The following FRMD6 variants were observed in gnomAD, a reference collection of about 807,000 sequenced individuals.
FRMD6 encodes the protein FERM domain containing 6, also known as FERM domain-containing protein 6.
In FRMD6, 37 loss-of-function variants were observed where a neutral mutation model predicts 73.2. The ratio of observed to expected loss-of-function variants is 0.51; its 90% CI spans 0.39 to 0.66. The LOEUF is 0.66. FRMD6 is among the 30% of genes least tolerant of loss of function. The probability of loss-of-function intolerance (pLI) is 0.00; values close to 1 mark genes in which losing one functional copy is unlikely to be tolerated. For missense variants in FRMD6, 714 were observed against 780.5 expected (o/e 0.91, Z 1.02); for synonymous variants, 273 against 282.2 (o/e 0.97, Z 0.33).
At chr14:51,687,175 C>T (rs572335253) in intron 1 of FRMD6, among the ~76,000 whole-genome samples, 15 of 152,208 alleles carry the variant, frequency 9.9e-5, no homozygotes, top group South Asian at 2.1e-4. Flanking sequence ...GGAAACATCC[C>T]ACAGCTCAGA....
intron 1 of FRMD6, among the ~76,000 whole-genome samples, chr14:51,536,951 A>C (rs1045508848): frequency 6.6e-6 from 1 of 152,124 alleles, no homozygotes; most frequent in African/African-American, 2.4e-5. Flanking sequence ...CCTGCCCCCC[A>C]CACACAGTCT....
intron 1 of FRMD6, among the ~76,000 whole-genome samples, chr14:51,676,575 A>T (rs1181681066): frequency 6.6e-6 from 1 of 152,172 alleles, no homozygotes; most frequent in Non-Finnish European, 1.5e-5. Context: ...GTCCTGCCTT[A>T]TGTATCTTTT....
chr14:51,547,565 G>A (rs1886545237), intron 1 of FRMD6: 1 of 152,154 alleles, frequency 6.6e-6, no homozygotes, highest in Non-Finnish European at 1.5e-5. Context: ...GCATCTCCTG[G>A]TCTGGTGATG....
At chr14:51,485,133 G>A (rs1882738312), upstream of FRMD6, among the ~76,000 whole-genome samples, 2 of 152,176 alleles carry the variant, frequency 1.3e-5, no homozygotes, top group South Asian at 2.1e-4. Context: ...TGGCTTTTAA[G>A]GCGTCTAAGA....
chr14:51,711,031 A>C (rs1293463767), intron 7 of FRMD6, among the ~76,000 whole-genome samples: 2 of 152,198 alleles, frequency 1.3e-5, no homozygotes, highest in Non-Finnish European at 1.5e-5. Flanking sequence ...ATATTTGGTC[A>C]CTTGCCCCTA....
In FRMD6 at chr14:51,729,601, T is replaced by A. The variant is rs1323000554; in HGVS notation, c.*1572T>A. The A allele has an allele frequency of 6.6e-6, 1 of 152,614 alleles. No homozygotes were observed. The highest frequency in any genetic ancestry group is 1.9e-4 in the East Asian group (1 of 5,156). The allele number at this position is 152,614 out of a possible 1,614,324, so 9.5% of individuals were successfully genotyped here. A position where few individuals can be genotyped will look rare whatever the true frequency, so the allele number is the denominator to read the frequency against. On this transcript the variant is annotated 3_prime_UTR_variant, in exon 14 of 14. Transcript: ENST00000344768. The stretch of plus-strand genomic sequence containing the variant: ...ATCTGCCCAGTTTTATTAAAAAAAC[T>A]ATATATTATTTTCTAAAGAAACAAT...
At chr14:51,695,374 G>A (rs7140410) in intron 2 of FRMD6, among the ~76,000 whole-genome samples, 106,089 of 152,008 alleles carry the variant, frequency 0.7, 37,209 homozygotes, top group Non-Finnish European at 0.71. Flanking sequence ...TTTAAAGTGA[G>A]TGTTGGAAAT....
At chr14:51,415,346 T>C in the FRMD6 span, among the ~76,000 whole-genome samples, 1 of 152,238 alleles carries the variant, frequency 6.6e-6, no homozygotes, top group Non-Finnish European at 1.5e-5. Context: ...GCCTATTTTA[T>C]TGAGAATTTT....
intron 2 of FRMD6, among the ~76,000 whole-genome samples, chr14:51,578,112 T>G (rs1009160503): frequency 2.2e-4 from 34 of 152,276 alleles, no homozygotes; most frequent in African/African-American, 7.0e-4. Flanking sequence ...GGAAGGAAAT[T>G]CCTGGAACTT....
At chr14:51,515,462 C>T (rs1335437492) in intron 1 of FRMD6, among the ~76,000 whole-genome samples, 3 of 152,156 alleles carry the variant, frequency 2.0e-5, no homozygotes, top group African/African-American at 4.8e-5. Context: ...TATTAGGCCC[C>T]CACTTCTAGT....
chr14:51,506,039 T>C (rs572551895), intron 1 of FRMD6, among the ~76,000 whole-genome samples: 1 of 152,232 alleles, frequency 6.6e-6, no homozygotes, highest in South Asian at 2.1e-4. Context: ...GAATAAAGTC[T>C]AAACTCTGTA....
At chr14:51,436,189 G>A in the FRMD6 span, 31 of 293,394 alleles carry the variant, frequency 1.1e-4, no homozygotes, top group Admixed American at 6.9e-4. Context: ...GATAAAGTAC[G>A]AAATGAAATA....
At chr14:51,434,969 A>G in the FRMD6 span, among the ~76,000 whole-genome samples, 1 of 152,184 alleles carries the variant, frequency 6.6e-6, no homozygotes, top group African/African-American at 2.4e-5. Context: ...GTAGGCTTCA[A>G]AAGTGTCACT....
chr14:51,503,453 T>C (rs1266811766), intron 1 of FRMD6, among the ~76,000 whole-genome samples: 1 of 152,128 alleles, frequency 6.6e-6, no homozygotes, highest in Non-Finnish European at 1.5e-5. Context: ...GTGCCTATTC[T>C]AAATAGGCAT....
intron 1 of FRMD6, among the ~76,000 whole-genome samples, chr14:51,536,065 TTA>T (rs1462894893): frequency 8.2e-6 from 1 of 122,392 alleles, no homozygotes; most frequent in Non-Finnish European, 1.6e-5. Context: ...TTGCATTATA[TTA>T]TATATATATT....
intron 1 of FRMD6, among the ~76,000 whole-genome samples, chr14:51,544,538 C>G (rs919141530): frequency 6.6e-6 from 1 of 151,718 alleles, no homozygotes; most frequent in Non-Finnish European, 1.5e-5. Flanking sequence ...AGGAATTTTC[C>G]TTTGAGATTT....
In FRMD6 at chr14:51,722,153, A is replaced by G. The variant is rs542804274; in HGVS notation, c.1492+73A>G. The G allele has an allele frequency of 2.6e-6, 4 of 1,557,482 alleles. No individual in the cohort carries two copies. In the East Asian group the frequency reaches 9.0e-5, roughly 35 times the overall value. On this transcript the variant is annotated intron_variant, in intron 12 of 13. Transcript: ENST00000344768. The stretch of plus-strand genomic sequence containing the variant: ...GACTGAAAAACACATGCCTCAGAAA[A>G]TAGAAGGGGTGAGCTGGGGGCCCTA...
At chr14:51,595,035 T>C (rs778660623) in intron 2 of FRMD6, among the ~76,000 whole-genome samples, 9 of 152,072 alleles carry the variant, frequency 5.9e-5, no homozygotes, top group Non-Finnish European at 1.0e-4. Context: ...ACGGAAGGGG[T>C]AGGGAGTCCT....
At chr14:51,463,892 C>T in the FRMD6 span, among the ~76,000 whole-genome samples, 1 of 152,302 alleles carries the variant, frequency 6.6e-6, no homozygotes, top group Admixed American at 6.5e-5. Context: ...ATCACCACTC[C>T]CTGCAGCCTT....
Sources: gnomAD v4.1 joint callset for allele counts (sites outside exome capture counted in the v4.1 genomes callset) on GRCh38, gnomAD v4.1.1 for gene constraint, MANE v1.5 for transcripts, NCBI Gene and HGNC (gene_info 2026-07-23, HGNC 2026-07-21) for gene names.